Variants in DHX16 observed in about 807,000 individuals in gnomAD.
DHX16 encodes pre-mRNA-splicing factor ATP-dependent RNA helicase DHX16.
DHX16 carries 81 observed loss-of-function variants against 131.2 expected under a neutral mutation model. The observed-to-expected ratio is 0.62, with a 90% CI of 0.52 to 0.74. The LOEUF is 0.74. Ranked by LOEUF, DHX16 falls within the 30% of genes least tolerant of loss-of-function variation. The probability of loss-of-function intolerance (pLI) is 0.00; values close to 1 mark genes in which losing one functional copy is unlikely to be tolerated. For missense variants in DHX16, 980 were observed against 1,363.1 expected (o/e 0.72, Z 4.43); for synonymous variants, 440 against 520.2 (o/e 0.85, Z 2.10).
Position 30,664,812 on chromosome 6 carries a change from G to C in DHX16, c.1306C>G (p.Leu436Val). 1 of 1,612,720 alleles carries C rather than the reference G, an allele frequency of 6.2e-7. No individual in the cohort carries two copies. The highest frequency in any genetic ancestry group is 8.5e-7 in the Non-Finnish European group (1 of 1,179,722). The change falls in exon 7 of 20, where the codon CTC becomes GTC. Residue 436 changes from leucine (L) to valine (V), a missense_variant. Physicochemically the swap from Leu to Val is conservative, Grantham distance 32. Coordinates refer to ENST00000376442, the MANE Select transcript of DHX16 (RefSeq NM_003587.5). ...SGKTTQIPQY[L>V]FEEGYTNKGM... ...TGAGATGACTGTACCTCCTCAAAGA[G>C]ATACTGCGGGATCTGGGTGGTCTTC...
In DHX16 at chr6:30,665,131, C is replaced by A. The variant is rs563682136; in HGVS notation, c.1065G>T (p.Leu355=). 1 of 1,614,022 alleles carries A rather than the reference C, an allele frequency of 6.2e-7. No individual in the cohort carries two copies. Among genetic ancestry groups the A allele is most frequent in the South Asian group, 1.1e-5 (1 of 91,048 alleles). Residue 355 remains leucine, a synonymous_variant, in exon 6 of 20, where the codon CTG becomes CTT. Transcript: ENST00000376442. The surrounding 1 kb of genome is among the most constrained non-coding windows in gnomAD (Gnocchi z 4.8). The part of the protein sequence containing the change: ...DAASQEPKYQ[L]VLEEEETIEF... Reference sequence around the variant, plus strand: ...CAATGGTCTCCTCCTCCTCCAGCACCAGTTGATACTTGGGCTCCTGAGAGG... The same window carrying A: ...CAATGGTCTCCTCCTCCTCCAGCACAAGTTGATACTTGGGCTCCTGAGAGG...
intron 12 of DHX16, among the ~76,000 whole-genome samples, chr6:30,658,613 A>T (rs1296384037): frequency 6.6e-6 from 1 of 150,838 alleles, no homozygotes; most frequent in Non-Finnish European, 1.5e-5. Flanking sequence ...TGGGAAGCTG[A>T]GGCACAAGAA....
chr6:30,654,901 A>G, intron 18 of DHX16, 22 bp from the exon 19 acceptor site: 1 of 1,598,806 alleles, frequency 6.3e-7, no homozygotes, highest in Non-Finnish European at 8.5e-7. Context: ...GCAGGAAAGA[A>G]AATCAATGGA....
Position 30,665,058 on chromosome 6 carries a change from G to T in DHX16, c.1125+13C>A. On this transcript the variant is annotated intron_variant, in intron 6 of 19. Coordinates refer to ENST00000376442, the MANE Select transcript of DHX16 (RefSeq NM_003587.5). The surrounding 1 kb of genome is among the most constrained non-coding windows in gnomAD (Gnocchi z 4.8). The stretch of plus-strand genomic sequence containing the variant: ...CGGGTCTTCCTCAGAAAGTCTCCCA[G>T]CTCCCCTCTTACCTCATCACCCTGG... 6.2e-7 allele frequency: 1 copy of T among 1,613,974 alleles called. No homozygotes were observed. The highest frequency in any genetic ancestry group is 8.5e-7 in the Non-Finnish European group (1 of 1,179,944).
Position 30,671,218 on chromosome 6 carries a change from C to A in DHX16, c.264G>T (p.Arg88=), listed in dbSNP as rs1160633079. 3 of 1,613,032 alleles carry A rather than the reference C, an allele frequency of 1.9e-6. No individual in the cohort carries two copies. Among genetic ancestry groups the A allele is most frequent in the Non-Finnish European group, 2.5e-6 (3 of 1,180,028 alleles). Residue 88 remains arginine, a synonymous_variant, in exon 2 of 20, where the codon CGG becomes CGT. Coordinates refer to ENST00000376442, the MANE Select transcript of DHX16 (RefSeq NM_003587.5). ...AAGATCGGTTCTTCTCCAGCAGGGCCCGGGCCTCTCGCTCTGCTGCCCGAG... is the reference window on the plus strand; with the variant it reads ...AAGATCGGTTCTTCTCCAGCAGGGCACGGGCCTCTCGCTCTGCTGCCCGAG... ...KPARAAEREA[R]ALLEKNRSYR...
chr6:30,666,742 AG>A (rs1421690630), intron 4 of DHX16, among the ~76,000 whole-genome samples: 1 of 151,966 alleles, frequency 6.6e-6, no homozygotes, highest in African/African-American at 2.4e-5. Context: ...CGGGAGACGG[AG>A]GTTGCAGTGA....
rs373973902 is a variant in DHX16 at position 30,672,668 on chromosome 6, C to A, written c.174G>T (p.Pro58=). 3 of 1,612,710 alleles carry A rather than the reference C, an allele frequency of 1.9e-6. No individual in the cohort carries two copies. Among genetic ancestry groups the A allele is most frequent in the Admixed American group, 1.7e-5 (1 of 60,002 alleles). ...RDTDTLDLSG[P]ARDFALRLWN... The stretch of plus-strand genomic sequence containing the variant: ...AGAGTCTCAGGGCGAAGTCCCGGGC[C>A]GGCCCACTGAGATCCAAGGTATCAG... Residue 58 remains proline, a synonymous_variant, in exon 1 of 20, where the codon CCG becomes CCT. Coordinates refer to ENST00000376442, the MANE Select transcript of DHX16 (RefSeq NM_003587.5).
Position 30,664,990 on chromosome 6 carries a change from C to T in DHX16, c.1128G>A (p.Glu376=). Residue 376 remains glutamate, a splice_region_variant and synonymous_variant, in exon 7 of 20, where the codon GAG becomes GAA. Transcript: ENST00000376442. ...GAGTTGAAGTGGGTGGAGCTGACGG[C>T]TCCTAAGGAAAGAGAAGGAGGTGTG... is the stretch of plus-strand genomic sequence containing the variant. ...VRATQLQGDE[E]PSAPPTSTQA... 1 of 1,613,904 alleles carries T rather than the reference C, an allele frequency of 6.2e-7. No individual in the cohort carries two copies.
intron 10 of DHX16, 40 bp from the exon 11 acceptor site, chr6:30,659,874 T>G (rs367757571): frequency 3.7e-5 from 59 of 1,598,620 alleles, no homozygotes; most frequent in Non-Finnish European, 4.9e-5. Flanking sequence ...GAGGGCCACC[T>G]GCTTAGGCAA....
chr6:30,663,280 G>T (rs1011172790), intron 7 of DHX16, among the ~76,000 whole-genome samples: 6 of 152,176 alleles, frequency 3.9e-5, no homozygotes, highest in African/African-American at 7.2e-5. Flanking sequence ...AGCTGAGACA[G>T]AGCCAGCTAA....
Position 30,655,439 on chromosome 6 carries a change from G to A in DHX16, c.2657C>T (p.Thr886Ile). The A allele has an allele frequency of 1.2e-6, 2 of 1,613,914 alleles. No individual in the cohort carries two copies. Among genetic ancestry groups the A allele is most frequent in the Non-Finnish European group, 1.7e-6 (2 of 1,180,030 alleles). Residue 886 changes from threonine to isoleucine, a missense_variant, in exon 17 of 20, where the codon ACA (threonine) becomes ATA (isoleucine). Around this residue, in one of 3 missense-constraint regions of DHX16, gnomAD observed 214 missense variants for 271.2 expected, o/e 0.79. Coordinates refer to ENST00000376442, the MANE Select transcript of DHX16 (RefSeq NM_003587.5). ...CACTCACCCAAGCCCAGTGACCTGT[G>A]TGTAAACATTTAGCAGAACCAGGTG... is the stretch of plus-strand genomic sequence containing the variant. Reference protein sequence around the residue: ...GDHLVLLNVYTQWAESGYSSQ... With the variant: ...GDHLVLLNVYIQWAESGYSSQ...
In DHX16 at chr6:30,655,345, A is replaced by T; in HGVS notation, c.2662-9T>A. On this transcript the variant is annotated splice_polypyrimidine_tract_variant and intron_variant, in intron 17 of 19. Transcript: ENST00000376442. ...TAACCACTCTCAGCCCACTGGGAAG[A>T]CAGTTAAAAAGAAAGGAGAGATAAT... 5 of 1,614,036 alleles carry T rather than the reference A, an allele frequency of 3.1e-6. No homozygotes were observed. Among genetic ancestry groups the T allele is most frequent in the Non-Finnish European group, 4.2e-6 (5 of 1,179,876 alleles).
intron 12 of DHX16, among the ~76,000 whole-genome samples, chr6:30,658,139 C>T (rs994101152): frequency 8.5e-5 from 13 of 152,232 alleles, no homozygotes; most frequent in Non-Finnish European, 1.6e-4. Flanking sequence ...AGCACAGTGG[C>T]TCATGCCTGT....
chr6:30,669,062 G>T (rs377371241), intron 4 of DHX16, among the ~76,000 whole-genome samples: 1 of 151,134 alleles, frequency 6.6e-6, no homozygotes, highest in African/African-American at 2.4e-5. Context: ...CCAAGATCAC[G>T]CCACTGCACT....
In DHX16 at chr6:30,656,069, T is replaced by C. The variant is rs1310372038; in HGVS notation, c.2498+129A>G. 14 of 914,750 alleles carry C rather than the reference T, an allele frequency of 1.5e-5. No individual in the cohort carries two copies. The African/African-American group carries it at 2.3e-4, about 15-fold the overall frequency. 56.7% of individuals were successfully genotyped at this position (914,750 alleles called of 1,614,324 possible). A position where few individuals can be genotyped will look rare whatever the true frequency, so the allele number is the denominator to read the frequency against. On this transcript the variant is annotated intron_variant, in intron 16 of 19. Transcript: ENST00000376442. The surrounding 1 kb of genome is among the most constrained non-coding windows in gnomAD (Gnocchi z 5.1). ...GGCCTCAAAAGGGGGCAATCAGAGT[T>C]ATCTAATACTTTATTATGTGTTAAG...
chr6:30,660,300 A>C, intron 9 of DHX16, 58 bp from the exon 10 acceptor site: 1 of 1,367,998 alleles, frequency 7.3e-7, no homozygotes, highest in Non-Finnish European at 9.9e-7. Flanking sequence ...AGTATCAGAC[A>C]CCAGAGTTAA....
Position 30,654,731 on chromosome 6 carries a change from A to G in DHX16, c.2972T>C (p.Leu991Ser). 6.2e-7 allele frequency: 1 copy of G among 1,612,846 alleles called. No homozygotes were observed. Among genetic ancestry groups the G allele is most frequent in the Non-Finnish European group, 8.5e-7 (1 of 1,179,900 alleles). ...PRWLLYHELVLTTKEFMRQVL... is the reference protein window; with the variant it reads ...PRWLLYHELVSTTKEFMRQVL... ...CTGTCTCATGAACTCTTTGGTGGTC[A>G]AGACAAGTTCGTGGTAGAGCAGCCA... The change falls in exon 19 of 20, where the codon TTG (leucine) becomes TCG (serine). Residue 991 changes from leucine to serine, a missense_variant. Leu to Ser is a moderately radical substitution (Grantham distance 145, BLOSUM62 -2). Transcript: ENST00000376442.
intron 7 of DHX16, among the ~76,000 whole-genome samples, chr6:30,664,340 GGTGGCGCATGCCTGTAATTCCAGCTA>G (rs1265154653): frequency 6.6e-6 from 1 of 151,922 alleles, no homozygotes; most frequent in Non-Finnish European, 1.5e-5. Context: ...AGCCAGGTGT[GGTGGCGCATGCCTGTAATTCCAGCTA>G]CTCTGAAGGC....
chr6:30,653,163 A>C lies in DHX16; in HGVS notation c.*79T>G. Reference sequence around the variant, plus strand: ...AATGTTCCCACAAGCTTTATTCCAAAAATAATTTTATTTAATAGGTATTAA... The same window carrying C: ...AATGTTCCCACAAGCTTTATTCCAACAATAATTTTATTTAATAGGTATTAA... On this transcript the variant is annotated 3_prime_UTR_variant, in exon 20 of 20. Transcript: ENST00000376442. The C allele has an allele frequency of 1.3e-6, 2 of 1,495,086 alleles. No individual in the cohort carries two copies. Among genetic ancestry groups the C allele is most frequent in the South Asian group, 2.6e-5 (2 of 76,730 alleles). The allele number at this position is 1,495,086 out of a possible 1,614,324, so 92.6% of individuals were successfully genotyped here.
Sources: gnomAD v4.1 joint callset for allele counts (sites outside exome capture counted in the v4.1 genomes callset) on GRCh38, gnomAD v4.1.1 for gene constraint, gnomAD v4.1.1 regional missense constraint, Gnocchi (gnomAD v3.1) non-coding constraint, MANE v1.5 for transcripts, NCBI Gene and HGNC (gene_info 2026-07-23, HGNC 2026-07-21) for gene names.